ERFL: variants seen among roughly 807,000 people sequenced by gnomAD.
The protein encoded by ERFL is ETS repressor factor like.
ERFL carries 8 observed loss-of-function variants against 27.9 expected under a neutral mutation model. That is an observed-to-expected ratio of 0.29 (90% confidence interval 0.17 to 0.52). The LOEUF (loss-of-function observed/expected upper bound fraction) is 0.52, where lower values mean the gene tolerates loss of function less well. Among genes scored for constraint, ERFL ranks in the 20% least tolerant of loss-of-function variants. ERFL has a pLI of 0.97. For synonymous variants in ERFL, 174 were observed against 202.8 expected (o/e 0.86, Z 1.21); for missense variants, 294 against 444.4 (o/e 0.66, Z 3.04).
At chr19:41,920,404 ACACT>A (rs1255734284) in intron 1 of ERFL, among the ~76,000 whole-genome samples, 9 of 139,022 alleles carry the variant, frequency 6.5e-5, no homozygotes, top group Admixed American at 2.2e-4. Context: ...CAGATGTGAC[ACACT>A]CACAGACATG....
rs1599669750 is a variant in ERFL at position 41,908,217 on chromosome 19, C to A, written c.*11G>T. 2 of 1,231,728 alleles carry A rather than the reference C, an allele frequency of 1.6e-6. No homozygotes were observed. The highest frequency in any genetic ancestry group is 6.3e-5 in the East Asian group (2 of 31,706). 76.3% of individuals were successfully genotyped at this position (1,231,728 alleles called of 1,614,324 possible). ...TCCCTGCCTCAGCAGAATCCATTGC[C>A]CCCTGCCGGCTCAGCTGCCGGTCCC... On this transcript the variant is annotated 3_prime_UTR_variant, in exon 6 of 6. Coordinates refer to ENST00000597630, the MANE Select transcript of ERFL (RefSeq NM_001365103.2). This position sits in a 1 kb window ranked among gnomAD's most constrained non-coding sequence, Gnocchi z 6.7.
Position 41,909,373 on chromosome 19 carries a change from A to G in ERFL, c.401T>C (p.Leu134Pro). 8.1e-7 allele frequency: 1 copy of G among 1,236,810 alleles called. No individual in the cohort carries two copies. The allele number at this position is 1,236,810 out of a possible 1,614,324, so 76.6% of individuals were successfully genotyped here. The change falls in exon 4 of 6, where the codon CTG becomes CCG. Residue 134 changes from leucine (L) to proline (P), a missense_variant. Physicochemically the swap from Leu to Pro is moderately conservative, Grantham distance 98. Transcript: ENST00000597630. The surrounding 1 kb of genome is among the most constrained non-coding windows in gnomAD (Gnocchi z 5.2). ...SKVVLVNYPL[L>P]DMAAAATGSP... ...GCCAGTGGCAGCTGCCGCCATGTCC[A>G]GCAGCGGGTAATTGACAAGCACGAC... is the stretch of plus-strand genomic sequence containing the variant.
At chr19:41,919,522 C>CAA (rs782787468) in intron 1 of ERFL, among the ~76,000 whole-genome samples, 3 of 151,862 alleles carry the variant, frequency 2.0e-5, no homozygotes, top group Non-Finnish European at 4.4e-5. Context: ...TACACACACA[C>CAA]ACACACACAC....
At position 41,909,752 on chromosome 19, in the gene ERFL, C is replaced by A; in HGVS notation, c.302+111G>T. 8.1e-7 allele frequency: 1 copy of A among 1,227,106 alleles called. No individual in the cohort carries two copies. Among genetic ancestry groups the A allele is most frequent in the Non-Finnish European group, 1.1e-6 (1 of 891,720 alleles). 76.0% of individuals were successfully genotyped at this position (1,227,106 alleles called of 1,614,324 possible). A position where few individuals can be genotyped will look rare whatever the true frequency, so the allele number is the denominator to read the frequency against. On this transcript the variant is annotated intron_variant, in intron 3 of 5. Coordinates refer to ENST00000597630, the MANE Select transcript of ERFL (RefSeq NM_001365103.2). This position sits in a 1 kb window ranked among gnomAD's most constrained non-coding sequence, Gnocchi z 5.2. Reference sequence around the variant, plus strand: ...GCGATGGTGGCTACTCACGCACAGCCCTGTGCCTTGTGGGATCCAGCAGGA... The same window carrying A: ...GCGATGGTGGCTACTCACGCACAGCACTGTGCCTTGTGGGATCCAGCAGGA...
Position 41,908,926 on chromosome 19 carries a change from TAC to T in ERFL, c.616+132_616+133del, listed in dbSNP as rs1242788869. ...TCACATCACATCCTTTTCTGGGTTT[TAC>T]ACACACACACCCTACAACCTGGCCC... On this transcript the variant is annotated intron_variant, in intron 5 of 5. Transcript: ENST00000597630. This position sits in a 1 kb window ranked among gnomAD's most constrained non-coding sequence, Gnocchi z 6.7. 101 of 531,330 alleles carry T rather than the reference TAC, an allele frequency of 1.9e-4. No individual in the cohort carries two copies. Among genetic ancestry groups the T allele is most frequent in the Non-Finnish European group, 2.7e-4 (93 of 348,774 alleles). The allele number at this position is 531,330 out of a possible 1,614,324, so 32.9% of individuals were successfully genotyped here.
Position 41,912,857 on chromosome 19 carries a change from G to T in ERFL, c.63C>A (p.Thr21=). The T allele has an allele frequency of 8.2e-7, 1 of 1,224,106 alleles. No homozygotes were observed. Among genetic ancestry groups the T allele is most frequent in the Non-Finnish European group, 1.0e-6 (1 of 981,072 alleles). 75.8% of individuals were successfully genotyped at this position (1,224,106 alleles called of 1,614,324 possible). The change falls in exon 2 of 6, where the codon ACC becomes ACA. Residue 21 remains threonine (T), a synonymous_variant. Coordinates refer to ENST00000597630, the MANE Select transcript of ERFL (RefSeq NM_001365103.2). ...GGGGAGGTCCGGGCCAGTTACCGGGGGTCCAGAGAGCCGGCAGGGCGGGCG... is the reference window on the plus strand; with the variant it reads ...GGGGAGGTCCGGGCCAGTTACCGGGTGTCCAGAGAGCCGGCAGGGCGGGCG... ...FAPPALPALW[T]PGFAFPDWAY...
Position 41,910,977 on chromosome 19 carries a change from G to A in ERFL, c.68-880C>T, listed in dbSNP as rs2074748336. Among the ~76,000 whole-genome samples the A allele has an allele frequency of 1.3e-5, 2 of 152,088 alleles. No homozygotes were observed. The highest frequency in any genetic ancestry group is 3.9e-4 in the East Asian group (2 of 5,194). ...ACTGGGACTTACTAACAACACAAAT[G>A]CCTGACAAGACACACACAGGACCCC... On this transcript the variant is annotated intron_variant, in intron 2 of 5. Transcript: ENST00000597630. This position sits in a 1 kb window ranked among gnomAD's most constrained non-coding sequence, Gnocchi z 4.4.
At chr19:41,912,967 T>G (rs1555851388) in intron 1 of ERFL, 35 bp from the exon 2 acceptor site, 1 of 1,022,924 alleles carries the variant, frequency 9.8e-7, no homozygotes, top group Non-Finnish European at 1.3e-6. Flanking sequence ...GGGGACGGGG[T>G]GGGCAGGAGA....
intron 1 of ERFL, among the ~76,000 whole-genome samples, chr19:41,920,597 CAT>C (rs1175556426): frequency 5.3e-5 from 8 of 152,368 alleles, no homozygotes; most frequent in African/African-American, 1.2e-4. Context: ...ACAGACAGGA[CAT>C]GTGTGGCTCC....
intron 1 of ERFL, among the ~76,000 whole-genome samples, chr19:41,915,485 C>CGTCTCTGTGTCCCCAT (rs1167207766): frequency 1.9e-4 from 29 of 151,698 alleles, no homozygotes; most frequent in African/African-American, 6.8e-4. Context: ...TGTGTCCCCA[C>CGTCTCTGTGTCCCCAT]GTCTCTGTGT....
intron 1 of ERFL, among the ~76,000 whole-genome samples, chr19:41,920,740 G>A (rs1259251280): frequency 1.3e-5 from 2 of 152,216 alleles, no homozygotes; most frequent in Non-Finnish European, 2.9e-5. Flanking sequence ...CTTCTGCCTC[G>A]ACTGCACTGT....
In ERFL at chr19:41,916,021, C is replaced by T. The variant is rs185277921; in HGVS notation, c.-13-3089G>A. ...ATTTTATTTTGCTTCCTCCACCCCC[C>T]CTTCGCCCCCCATCTCTACCGCCCG... On this transcript the variant is annotated intron_variant, in intron 1 of 5. Coordinates refer to ENST00000597630, the MANE Select transcript of ERFL (RefSeq NM_001365103.2). The surrounding 1 kb of genome is among the most constrained non-coding windows in gnomAD (Gnocchi z 5.4). Among the ~76,000 whole-genome samples, 3 of 152,156 alleles carry T rather than the reference C, an allele frequency of 2.0e-5. No individual in the cohort carries two copies. Among genetic ancestry groups the T allele is most frequent in the African/African-American group, 7.2e-5 (3 of 41,476 alleles).
chr19:41,923,034 G>A (rs2074851231), intron 1 of ERFL: 1 of 407,262 alleles, frequency 2.5e-6, no homozygotes, highest in African/African-American at 2.1e-5. Flanking sequence ...GGGGGCTGGG[G>A]GAACCCACAG....
Position 41,910,047 on chromosome 19 carries a change from T to G in ERFL, c.118A>C (p.Arg40=), listed in dbSNP as rs1158275265. ...ATAAAGTGCCACAGCTGGATCTGCC[T>G]CGAGCCAGGGGATGACTCTGGCTTG... is the stretch of plus-strand genomic sequence containing the variant. ...AYKPESSPGS[R]QIQLWHFILE... The change falls in exon 3 of 6, where the codon AGG becomes CGG. Residue 40 remains arginine, a synonymous_variant. Coordinates refer to ENST00000597630, the MANE Select transcript of ERFL (RefSeq NM_001365103.2). The surrounding 1 kb of genome is among the most constrained non-coding windows in gnomAD (Gnocchi z 4.4). 6.2e-7 allele frequency: 1 copy of G among 1,613,520 alleles called. No individual in the cohort carries two copies. Among genetic ancestry groups the G allele is most frequent in the Non-Finnish European group, 8.5e-7 (1 of 1,179,944 alleles).
chr19:41,912,134 C>A (rs554984043), intron 2 of ERFL, among the ~76,000 whole-genome samples: 1 of 152,178 alleles, frequency 6.6e-6, no homozygotes, highest in East Asian at 1.9e-4. Flanking sequence ...ACGCCCAGCC[C>A]AGAGACACTC....
intron 2 of ERFL, among the ~76,000 whole-genome samples, chr19:41,911,520 T>G (rs1484608700): frequency 6.6e-6 from 1 of 152,110 alleles, no homozygotes; most frequent in African/African-American, 2.4e-5. Context: ...GGGCGCAGGG[T>G]CCCACCCAGG....
chr19:41,920,681 G>C (rs2074836927), intron 1 of ERFL, among the ~76,000 whole-genome samples: 1 of 152,230 alleles, frequency 6.6e-6, no homozygotes, highest in Non-Finnish European at 1.5e-5. Flanking sequence ...CACAGACACT[G>C]TGACACAAGT....
intron 1 of ERFL, among the ~76,000 whole-genome samples, chr19:41,926,952 G>C (rs183144619): frequency 4.6e-5 from 7 of 152,246 alleles, no homozygotes; most frequent in African/African-American, 1.7e-4. Flanking sequence ...GAGGCAGAGA[G>C]AGAGAGATAG....
intron 1 of ERFL, among the ~76,000 whole-genome samples, chr19:41,920,061 C>A (rs1555852306): frequency 7.7e-6 from 1 of 130,510 alleles, no homozygotes; most frequent in African/African-American, 3.0e-5. Flanking sequence ...ATGACACACC[C>A]AGATGTGACA....
Sources: allele counts gnomAD v4.1 joint callset (sites outside exome capture counted in the v4.1 genomes callset), GRCh38; gene constraint gnomAD v4.1.1; non-coding constraint Gnocchi (gnomAD v3.1); transcripts MANE v1.5; gene names NCBI Gene and HGNC (gene_info 2026-07-23, HGNC 2026-07-21).